Variants in TOP2B observed in about 807,000 individuals in gnomAD.
TOP2B encodes the protein DNA topoisomerase II beta.
Under a neutral mutation model 193.5 loss-of-function variants are expected in TOP2B, and 51 were observed. The ratio of observed to expected loss-of-function variants is 0.26; its 90% CI spans 0.21 to 0.33. The LOEUF (loss-of-function observed/expected upper bound fraction) is 0.33, where lower values mean the gene tolerates loss of function less well. Among genes scored for constraint, TOP2B ranks in the 10% least tolerant of loss-of-function variants. The pLI is 1.00. For synonymous variants in TOP2B, 634 were observed against 635.7 expected (o/e 1.00, Z 0.04); for missense variants, 1,378 against 1,909.3 (o/e 0.72, Z 5.19).
At chr3:25,641,847 T>A (rs1041567748) in intron 4 of TOP2B, among the ~76,000 whole-genome samples, 1 of 152,170 alleles carries the variant, frequency 6.6e-6, no homozygotes, top group African/African-American at 2.4e-5. Flanking sequence ...CTATTTTTTA[T>A]ACATCTTCAT....
intron 7 of TOP2B, among the ~76,000 whole-genome samples, chr3:25,634,798 C>CAA (rs1491143901): frequency 3.8e-5 from 5 of 131,478 alleles, no homozygotes; most frequent in African/African-American, 1.4e-4. Context: ...AAAAAAAAAA[C>CAA]CAAAAAAAGG....
intron 27 of TOP2B, 145 bp from the exon 28 acceptor site, chr3:25,612,854 T>C (rs1321331933): frequency 3.4e-6 from 2 of 595,288 alleles, no homozygotes; most frequent in East Asian, 5.7e-5. Flanking sequence ...GATTAAATAA[T>C]GGAAAAAAAA....
chr3:25,612,975 C>G (rs983138360), intron 27 of TOP2B, among the ~76,000 whole-genome samples: 1 of 152,088 alleles, frequency 6.6e-6, no homozygotes, highest in Non-Finnish European at 1.5e-5. Context: ...AAGTCTCTGC[C>G]AATTCTTGGA....
At chr3:25,615,814 C>T in intron 25 of TOP2B, 1 of 308,274 alleles carries the variant, frequency 3.2e-6, no homozygotes, top group Non-Finnish European at 5.8e-6. Flanking sequence ...TATACACTAT[C>T]CCTATTTATC....
chr3:25,654,036 A>T (rs1201364642), intron 1 of TOP2B, among the ~76,000 whole-genome samples: 1 of 152,212 alleles, frequency 6.6e-6, no homozygotes, highest in Non-Finnish European at 1.5e-5. Context: ...TTTTCCTCTA[A>T]GATCAGGAGG....
intron 4 of TOP2B, among the ~76,000 whole-genome samples, chr3:25,639,469 G>A (rs774708586): frequency 1.5e-4 from 23 of 152,084 alleles, no homozygotes; most frequent in African/African-American, 2.2e-4. Flanking sequence ...CACCACGACT[G>A]GCTAATTTTT....
In TOP2B at chr3:25,644,597, A is replaced by C. The variant is rs537991984; in HGVS notation, c.240+703T>G. Among the ~76,000 whole-genome samples, 6 of 149,076 alleles carry C rather than the reference A, an allele frequency of 4.0e-5. No homozygotes were observed. In the South Asian group the frequency reaches 1.1e-3, roughly 28 times the overall value. ...ATGCCTGTAATCCCAGCTACTTGGAAGGCTGAGGCAGGAGAATCGTTTGAA... is the reference window on the plus strand; with the variant it reads ...ATGCCTGTAATCCCAGCTACTTGGACGGCTGAGGCAGGAGAATCGTTTGAA... On this transcript the variant is annotated intron_variant, in intron 2 of 35. Transcript: ENST00000264331.
chr3:25,630,264 G>GT, intron 12 of TOP2B, 48 bp downstream of exon 12: 1 of 1,530,702 alleles, frequency 6.5e-7, no homozygotes, highest in Non-Finnish European at 8.8e-7. Context: ...AATGTCATAT[G>GT]TATGTGTGCA....
intron 6 of TOP2B, 26 bp from the exon 7 acceptor site, chr3:25,636,174 T>G: frequency 7.1e-7 from 1 of 1,406,776 alleles, no homozygotes; most frequent in Non-Finnish European, 9.8e-7. Flanking sequence ...ATTCAAATAT[T>G]TCTATAATGC....
intron 21 of TOP2B, among the ~76,000 whole-genome samples, chr3:25,623,279 T>A (rs1386770124): frequency 6.6e-6 from 1 of 152,194 alleles, no homozygotes; most frequent in African/African-American, 2.4e-5. Flanking sequence ...AAACCTGGAA[T>A]ATGAGGTGTT....
chr3:25,607,145 C>T, intron 31 of TOP2B, 26 bp downstream of exon 31: 1 of 1,610,028 alleles, frequency 6.2e-7, no homozygotes, highest in Non-Finnish European at 8.5e-7. Flanking sequence ...ATTAACTATA[C>T]CACATCACTA....
chr3:25,651,929 T>A (rs1363633289), intron 1 of TOP2B, among the ~76,000 whole-genome samples: 2 of 148,136 alleles, frequency 1.4e-5, no homozygotes. Context: ...AATAAAAAAA[T>A]AAGATCCAAC....
chr3:25,624,544 T>A, intron 19 of TOP2B, 99 bp from the exon 20 acceptor site: 1 of 1,539,398 alleles, frequency 6.5e-7, no homozygotes, highest in South Asian at 1.3e-5. Context: ...ATAAAGGCTT[T>A]AGAATCTCAC....
chr3:25,609,086 A>T, intron 30 of TOP2B, 97 bp downstream of exon 30: 1 of 1,061,598 alleles, frequency 9.4e-7, no homozygotes, highest in East Asian at 3.0e-5. Flanking sequence ...CTTCTGAAAT[A>T]CTAATGGCTT....
At position 25,612,658 on chromosome 3, in the gene TOP2B, C is replaced by T. The variant is rs768399732; in HGVS notation, c.3643G>A (p.Ala1215Thr). 1.2e-6 allele frequency: 2 copies of T among 1,613,564 alleles called. No homozygotes were observed. Among genetic ancestry groups the T allele is most frequent in the South Asian group, 2.2e-5 (2 of 91,062 alleles). ...GGTTTGCCAACTTTACCTTTAATTG[C>T]TTTTCCAGACATTCCAGCCAGAACA... ...EDVLAGMSGK[A>T]IKGKVGKPKV... is the part of the protein sequence containing the mutation. Residue 1215 changes from alanine (A) to threonine (T), a missense_variant, in exon 28 of 36, where the codon GCA becomes ACA. Ala to Thr is a moderately conservative substitution (Grantham distance 58). Transcript: ENST00000264331.
At chr3:25,604,906 G>T in intron 32 of TOP2B, 36 bp from the exon 33 acceptor site, 1 of 1,454,286 alleles carries the variant, frequency 6.9e-7, no homozygotes, top group Non-Finnish European at 9.6e-7. Context: ...GTAAAGAGAT[G>T]TTATAAAGAT....
intron 13 of TOP2B, 104 bp from the exon 14 acceptor site, chr3:25,629,249 A>G: frequency 2.7e-6 from 2 of 746,534 alleles, no homozygotes; most frequent in Non-Finnish European, 4.1e-6. Context: ...AAAATTCTGA[A>G]TTTTAGAAAT....
chr3:25,598,000 A>ATGTT lies in TOP2B; in HGVS notation c.*303_*306dup, dbSNP rs954803574. ...GACAGAGAACACAGTTCCATTTTTA[A>ATGTT]TGTTTAAATTTCATTTCAAAAAGCA... On this transcript the variant is annotated 3_prime_UTR_variant, in exon 36 of 36. Coordinates refer to ENST00000264331, the MANE Select transcript of TOP2B (RefSeq NM_001330700.2). 78 of 182,860 alleles carry ATGTT rather than the reference A, an allele frequency of 4.3e-4. No individual in the cohort carries two copies. Among genetic ancestry groups the ATGTT allele is most frequent in the African/African-American group, 1.7e-3 (73 of 42,758 alleles). 11.3% of individuals were successfully genotyped at this position (182,860 alleles called of 1,614,324 possible).
chr3:25,610,388 G>A (rs1365339586), intron 28 of TOP2B, among the ~76,000 whole-genome samples: 1 of 152,134 alleles, frequency 6.6e-6, no homozygotes, highest in Non-Finnish European at 1.5e-5. Context: ...AAGGGGAGAA[G>A]TGAGAAACTC....
Sources: gnomAD v4.1 joint callset for allele counts (sites outside exome capture counted in the v4.1 genomes callset) on GRCh38, gnomAD v4.1.1 for gene constraint, MANE v1.5 for transcripts, NCBI Gene and HGNC (gene_info 2026-07-23, HGNC 2026-07-21) for gene names.